ISM1: variants seen among roughly 807,000 people sequenced by gnomAD.
The protein encoded by ISM1 is isthmin 1.
Under a neutral mutation model 46.3 loss-of-function variants are expected in ISM1, and 25 were observed. The observed-to-expected ratio is 0.54, with a 90% CI of 0.39 to 0.75. The LOEUF (loss-of-function observed/expected upper bound fraction) is 0.75. Among genes scored for constraint, ISM1 ranks in the 30% least tolerant of loss-of-function variants. The probability of loss-of-function intolerance (pLI) is 0.00; values close to 1 mark genes in which losing one functional copy is unlikely to be tolerated. For missense variants in ISM1, 536 were observed against 625.4 expected (o/e 0.86, Z 1.52); for synonymous variants, 255 against 256.7 (o/e 0.99, Z 0.06).
chr20:13,288,712 G>C, intron 4 of ISM1, 29 bp downstream of exon 4: 1 of 1,588,646 alleles, frequency 6.3e-7, no homozygotes. Context: ...GTAGCTCCAA[G>C]TTCAAGGGGA....
chr20:13,274,762 C>G lies in ISM1; in HGVS notation c.378+4019C>G, dbSNP rs375537704. ...CACCTGCTTCTGCAGAGCATTTTAA[C>G]TCCCAGAAGTCAGGCAGCCTCGGTC... is the stretch of plus-strand genomic sequence containing the variant. On this transcript the variant is annotated intron_variant, in intron 2 of 5. Coordinates refer to ENST00000262487, the MANE Select transcript of ISM1 (RefSeq NM_080826.2). Among the ~76,000 whole-genome samples, 16 of 148,014 alleles carry G rather than the reference C, an allele frequency of 1.1e-4. No individual in the cohort carries two copies. In the East Asian group the frequency reaches 2.5e-3, roughly 24 times the overall value.
the ISM1 span, among the ~76,000 whole-genome samples, chr20:13,317,876 G>C: frequency 6.6e-6 from 1 of 151,996 alleles, no homozygotes; most frequent in Non-Finnish European, 1.5e-5. Context: ...AGATGACCTT[G>C]TGTTAGGCAA....
At chr20:13,225,105 G>A (rs560156727) in intron 1 of ISM1, among the ~76,000 whole-genome samples, 59 of 150,792 alleles carry the variant, frequency 3.9e-4, no homozygotes, top group African/African-American at 6.6e-4. Context: ...CGCCCGCCTT[G>A]GCCTCCCAAA....
At chr20:13,295,021 T>C (rs902999402) in intron 5 of ISM1, among the ~76,000 whole-genome samples, 2 of 152,164 alleles carry the variant, frequency 1.3e-5, no homozygotes, top group African/African-American at 4.8e-5. Flanking sequence ...TTCCTCGTTC[T>C]ATTGATGAGT....
chr20:13,312,375 T>A, the ISM1 span, among the ~76,000 whole-genome samples: 2 of 152,156 alleles, frequency 1.3e-5, no homozygotes, highest in African/African-American at 4.8e-5. Flanking sequence ...CCTTACTCAC[T>A]CACTCACAGG....
chr20:13,294,922 A>G (rs1275517675), intron 5 of ISM1, among the ~76,000 whole-genome samples: 1 of 152,162 alleles, frequency 6.6e-6, no homozygotes, highest in African/African-American at 2.4e-5. Flanking sequence ...GTTGCGTTGC[A>G]ATTCAATCCC....
At position 13,221,884 on chromosome 20, in the gene ISM1, C is replaced by G; in HGVS notation, c.108C>G (p.Ala36=). 7.1e-7 allele frequency: 1 copy of G among 1,403,262 alleles called. No homozygotes were observed. The highest frequency in any genetic ancestry group is 9.2e-7 in the Non-Finnish European group (1 of 1,085,244). 86.9% of individuals were successfully genotyped at this position (1,403,262 alleles called of 1,614,324 possible). A position where few individuals can be genotyped will look rare whatever the true frequency, so the allele number is the denominator to read the frequency against. Residue 36 remains alanine (A), a synonymous_variant, in exon 1 of 6, where the codon GCC becomes GCG. Coordinates refer to ENST00000262487, the MANE Select transcript of ISM1 (RefSeq NM_080826.2). ...GSGAADGPDA[A]AGNASQAQLQ... is the part of the protein sequence containing the mutation. ...GAGCCGCCGACGGGCCCGACGCGGC[C>G]GCGGGCAACGCCAGCCAAGCCCAGC...
At chr20:13,253,565 T>C (rs1171322542) in intron 1 of ISM1, among the ~76,000 whole-genome samples, 1 of 152,136 alleles carries the variant, frequency 6.6e-6, no homozygotes, top group African/African-American at 2.4e-5. Context: ...GGTTCTCAGA[T>C]GTGAGCCTGC....
the ISM1 span, among the ~76,000 whole-genome samples, chr20:13,310,216 C>T: frequency 6.6e-6 from 1 of 152,130 alleles, no homozygotes; most frequent in Non-Finnish European, 1.5e-5. Context: ...ATCAAAACAA[C>T]ATGATACTAA....
intron 1 of ISM1, among the ~76,000 whole-genome samples, chr20:13,259,678 A>G (rs2039967319): frequency 2.0e-5 from 3 of 152,228 alleles, no homozygotes; most frequent in Non-Finnish European, 4.4e-5. Context: ...GCACTGAGTT[A>G]TTGTTTCTAC....
chr20:13,231,598 C>T (rs758578039), intron 1 of ISM1, among the ~76,000 whole-genome samples: 5 of 152,150 alleles, frequency 3.3e-5, no homozygotes, highest in South Asian at 2.1e-4. Context: ...TTTTGTAAAC[C>T]GAGTAGAAGT....
intron 2 of ISM1, among the ~76,000 whole-genome samples, chr20:13,271,128 A>G (rs2040110443): frequency 6.6e-6 from 1 of 152,216 alleles, no homozygotes; most frequent in African/African-American, 2.4e-5. Flanking sequence ...GGCCAATCTG[A>G]CCTGTGAATA....
intron 2 of ISM1, among the ~76,000 whole-genome samples, chr20:13,276,936 G>A (rs923954160): frequency 1.3e-5 from 2 of 152,190 alleles, no homozygotes; most frequent in Non-Finnish European, 2.9e-5. Flanking sequence ...GTAGGGAAGG[G>A]TGCGGTGGAT....
At chr20:13,322,737 A>G in the ISM1 span, among the ~76,000 whole-genome samples, 1 of 152,172 alleles carries the variant, frequency 6.6e-6, no homozygotes, top group African/African-American at 2.4e-5. Context: ...GGGGTGGAAT[A>G]TGTGATCTTT....
intron 1 of ISM1, among the ~76,000 whole-genome samples, chr20:13,230,689 T>C (rs550514225): frequency 6.6e-6 from 1 of 151,972 alleles, no homozygotes; most frequent in South Asian, 2.1e-4. Flanking sequence ...GGGGTGTCGG[T>C]TTAGTGCCCA....
intron 1 of ISM1, among the ~76,000 whole-genome samples, chr20:13,269,376 A>AT (rs2040084516): frequency 6.6e-6 from 1 of 152,306 alleles, no homozygotes; most frequent in South Asian, 2.1e-4. Flanking sequence ...AAATGGTGAC[A>AT]TTTTTCACAG....
At chr20:13,233,606 A>AC (rs1225111442) in intron 1 of ISM1, among the ~76,000 whole-genome samples, 2 of 152,010 alleles carry the variant, frequency 1.3e-5, no homozygotes, top group African/African-American at 4.8e-5. Flanking sequence ...AAAAAAAAAA[A>AC]AAAAAAAAGG....
At chr20:13,260,019 T>C (rs2039970471) in intron 1 of ISM1, among the ~76,000 whole-genome samples, 1 of 152,176 alleles carries the variant, frequency 6.6e-6, no homozygotes. Flanking sequence ...CAGCTTCCTA[T>C]AGAGAAAGGT....
intron 1 of ISM1, among the ~76,000 whole-genome samples, chr20:13,266,707 A>T (rs574572938): frequency 3.9e-5 from 6 of 152,364 alleles, no homozygotes; most frequent in African/African-American, 1.4e-4. Flanking sequence ...AAGAATGGTC[A>T]TGATGCTTTC....
Sources: gnomAD v4.1 joint callset for allele counts (sites outside exome capture counted in the v4.1 genomes callset) on GRCh38, gnomAD v4.1.1 for gene constraint, MANE v1.5 for transcripts, NCBI Gene and HGNC (gene_info 2026-07-23, HGNC 2026-07-21) for gene names.